The following ASH1L variants were observed in gnomAD, a reference collection of about 807,000 sequenced individuals.
ASH1L encodes the protein histone-lysine N-methyltransferase ASH1L.
In ASH1L, 23 loss-of-function variants were observed where a neutral mutation model predicts 269.0. That is an observed-to-expected ratio of 0.09 (90% CI 0.06 to 0.12). ASH1L has a LOEUF of 0.12. Among genes scored for constraint, ASH1L ranks in the 10% least tolerant of loss-of-function variants. ASH1L has a pLI of 1.00. For synonymous variants in ASH1L, 1,187 were observed against 1,253.5 expected, an observed-to-expected ratio of 0.95 and a Z score of 1.12; for missense variants, 2,912 against 3,567.8, an observed-to-expected ratio of 0.82 and a Z score of 4.68.
At chr1:155,434,149 A>C (rs993705945) in intron 5 of ASH1L, 35 of 1,592,954 alleles carry the variant, frequency 2.2e-5, no homozygotes, top group Non-Finnish European at 2.7e-5. Flanking sequence ...TTGGTACCCC[A>C]GGCTATGGGA....
rs76262546 is a variant in ASH1L at position 155,479,930 on chromosome 1, T to C, written c.2940A>G (p.Lys980=). The change falls in exon 3 of 28, where the codon AAA becomes AAG. Residue 980 remains lysine (K), a synonymous_variant. Transcript: ENST00000392403. ...TTTTATTTATTTTGCGGATAATTGT[T>C]TTCATTAATTGTCCATTGTTTCTCT... ...ITKRNNGQLM[K]TIIRKINKMK... The C allele has an allele frequency of 3.6e-4, 581 of 1,613,716 alleles. 5 individuals carry two copies. The African/African-American group carries it at 7.4e-3, about 21-fold the overall frequency.
Position 155,336,583 on chromosome 1 carries a change from G to C in ASH1L, c.*1077C>G, listed in dbSNP as rs1316072083. On this transcript the variant is annotated 3_prime_UTR_variant, in exon 28 of 28. Transcript: ENST00000392403. ...AGAGTAGGAAGGAAGGAGACACCCT[G>C]GATATACCTCCTGATGTCATTCAGG... The C allele has an allele frequency of 6.6e-6, 1 of 152,618 alleles. No homozygotes were observed. Among genetic ancestry groups the C allele is most frequent in the Non-Finnish European group, 1.5e-5 (1 of 68,006 alleles). 9.5% of individuals were successfully genotyped at this position (152,618 alleles called of 1,614,324 possible).
At chr1:155,364,960 T>C (rs992817225) in intron 12 of ASH1L, among the ~76,000 whole-genome samples, 4 of 151,568 alleles carry the variant, frequency 2.6e-5, no homozygotes, top group Admixed American at 6.6e-5. Flanking sequence ...TCTGCGCCTA[T>C]GGAGTAGCCA....
chr1:155,423,405 C>A (rs1660876578), intron 5 of ASH1L, among the ~76,000 whole-genome samples: 1 of 151,666 alleles, frequency 6.6e-6, no homozygotes, highest in Non-Finnish European at 1.5e-5. Flanking sequence ...ATGGTGAAAC[C>A]CCGTCTCTAC....
chr1:155,346,248 G>A (rs1049874815), intron 21 of ASH1L, 135 bp downstream of exon 21: 2 of 1,565,420 alleles, frequency 1.3e-6, no homozygotes, highest in Non-Finnish European at 1.7e-6. Flanking sequence ...TTAATGTAAA[G>A]TTTAAGAAAC....
At chr1:155,429,366 T>G (rs1661429701) in intron 5 of ASH1L, among the ~76,000 whole-genome samples, 1 of 152,164 alleles carries the variant, frequency 6.6e-6, no homozygotes, top group Admixed American at 6.6e-5. Flanking sequence ...CTCTACCTCC[T>G]GGGCTCAAGT....
chr1:155,557,470 C>T (rs1435148786), intron 1 of ASH1L, among the ~76,000 whole-genome samples: 1 of 151,584 alleles, frequency 6.6e-6, no homozygotes, highest in East Asian at 1.9e-4. Context: ...TTGGTAGAGA[C>T]AGGGTTTCAC....
intron 15 of ASH1L, among the ~76,000 whole-genome samples, chr1:155,356,642 CAA>C (rs1277769920): frequency 1.6e-4 from 11 of 67,518 alleles, no homozygotes; most frequent in Admixed American, 1.8e-4. Flanking sequence ...GACTCCGTCT[CAA>C]AAAAAAAAAA....
intron 1 of ASH1L, among the ~76,000 whole-genome samples, chr1:155,545,999 A>G (rs988725434): frequency 6.6e-6 from 1 of 152,058 alleles, no homozygotes; most frequent in East Asian, 1.9e-4. Context: ...TCTACTTAAA[A>G]TACAAAAAAA....
At position 155,524,510 on chromosome 1, in the gene ASH1L, A is replaced by G. The variant is rs929978077; in HGVS notation, c.-99-2892T>C. Among the ~76,000 whole-genome samples the G allele has an allele frequency of 9.4e-5, 14 of 149,008 alleles. No homozygotes were observed. The Admixed American group carries it at 9.4e-4, about 10-fold the overall frequency. ...GCACTCCAGCCTGGGCAACAAAGCA[A>G]GACTCCGTCTCAAAAAAAAAAAAAA... On this transcript the variant is annotated intron_variant, in intron 1 of 27. Coordinates refer to ENST00000392403, the MANE Select transcript of ASH1L (RefSeq NM_018489.3).
chr1:155,406,688 G>A (rs1032030202), intron 6 of ASH1L, among the ~76,000 whole-genome samples: 1 of 152,118 alleles, frequency 6.6e-6, no homozygotes, highest in Non-Finnish European at 1.5e-5. Context: ...GCCTTAGAGT[G>A]AGACCCTGTT....
intron 1 of ASH1L, among the ~76,000 whole-genome samples, chr1:155,542,274 G>A (rs547475821): frequency 2.6e-5 from 4 of 152,274 alleles, no homozygotes; most frequent in East Asian, 1.9e-4. Context: ...TTTGGGCCAC[G>A]CACGGTGGCT....
chr1:155,395,034 T>C (rs1365045859), intron 7 of ASH1L, among the ~76,000 whole-genome samples: 2 of 152,182 alleles, frequency 1.3e-5, no homozygotes, highest in Non-Finnish European at 2.9e-5. Flanking sequence ...AATCCTAGGC[T>C]TGGGTGATCC....
chr1:155,516,001 C>T (rs1246630573), intron 2 of ASH1L, among the ~76,000 whole-genome samples: 1 of 152,052 alleles, frequency 6.6e-6, no homozygotes, highest in Non-Finnish European at 1.5e-5. Flanking sequence ...GGCACTTTAT[C>T]ATCATCCTTT....
At chr1:155,351,202 G>A (rs1042895369) in intron 17 of ASH1L, among the ~76,000 whole-genome samples, 2 of 149,654 alleles carry the variant, frequency 1.3e-5, no homozygotes, top group African/African-American at 4.9e-5. Flanking sequence ...CCAAGATTGT[G>A]CCACTGCACT....
intron 3 of ASH1L, among the ~76,000 whole-genome samples, chr1:155,472,584 T>G (rs1665184001): frequency 1.3e-5 from 2 of 152,166 alleles, no homozygotes; most frequent in Non-Finnish European, 2.9e-5. Context: ...AAAAGTTCCC[T>G]CTTTAAATAG....
chr1:155,561,971 C>G, intron 1 of ASH1L, 182 bp downstream of exon 1: 1 of 542,340 alleles, frequency 1.8e-6, no homozygotes, highest in South Asian at 2.3e-5. Context: ...ACCCCTTCAC[C>G]CCGCCTGGAG....
chr1:155,477,265 T>A (rs1665627661), intron 3 of ASH1L, among the ~76,000 whole-genome samples: 1 of 152,208 alleles, frequency 6.6e-6, no homozygotes, highest in Non-Finnish European at 1.5e-5. Flanking sequence ...TACAAATGCA[T>A]TTTCCAGATT....
intron 3 of ASH1L, among the ~76,000 whole-genome samples, chr1:155,476,653 G>A (rs567919174): frequency 4.0e-5 from 6 of 151,220 alleles, no homozygotes; most frequent in East Asian, 2.0e-4. Context: ...CAGAGTTCAC[G>A]CCATTCTCCT....
Sources: gnomAD v4.1 joint callset for allele counts (sites outside exome capture counted in the v4.1 genomes callset) on GRCh38, gnomAD v4.1.1 for gene constraint, MANE v1.5 for transcripts, NCBI Gene and HGNC (gene_info 2026-07-23, HGNC 2026-07-21) for gene names.